ATRNL1: variants seen among roughly 807,000 people sequenced by gnomAD.
The protein encoded by ATRNL1 is attractin like 1.
ATRNL1 carries 95 observed loss-of-function variants against 182.7 expected under a neutral mutation model. The observed-to-expected ratio is 0.52, with a 90% CI of 0.44 to 0.62. The LOEUF is 0.62. Among genes scored for constraint, ATRNL1 ranks in the 20% least tolerant of loss-of-function variants. The pLI, the probability that ATRNL1 is intolerant of heterozygous loss-of-function variation, is 0.00. For synonymous variants in ATRNL1, 576 were observed against 568.3 expected (o/e 1.01, Z -0.19); for missense variants, 1,471 against 1,679.5 (o/e 0.88, Z 2.17).
At chr10:115,764,153 A>AT (rs1255614341) in intron 27 of ATRNL1, among the ~76,000 whole-genome samples, 1 of 152,138 alleles carries the variant, frequency 6.6e-6, no homozygotes, top group Non-Finnish European at 1.5e-5. Flanking sequence ...TAAAGACTTT[A>AT]TTTTTTTAGA....
chr10:115,360,892 C>T (rs1187881318), intron 19 of ATRNL1, among the ~76,000 whole-genome samples: 1 of 151,724 alleles, frequency 6.6e-6, no homozygotes, highest in Non-Finnish European at 1.5e-5. Flanking sequence ...TTTGCTATGT[C>T]TTCATGATTA....
chr10:115,288,308 G>A (rs1230259754), intron 15 of ATRNL1, among the ~76,000 whole-genome samples: 1 of 152,038 alleles, frequency 6.6e-6, no homozygotes, highest in East Asian at 1.9e-4. Flanking sequence ...CTTCTATATT[G>A]TTCTCCATAG....
rs532038071 is a variant in ATRNL1, at chr10:115,263,976, AG to A, written c.1688-1216del. On this transcript the variant is annotated intron_variant, in intron 10 of 28. Coordinates refer to ENST00000355044, the MANE Select transcript of ATRNL1 (RefSeq NM_207303.4). ...GGCAGATATACCATGTGGACTAAAA[AG>A]ACAGATTATACACTTTTTCGGGGGA... 5.7e-4 allele frequency among the ~76,000 whole-genome samples: 87 copies of A among 151,934 alleles called. No homozygotes were observed. The South Asian group carries it at 0.016, about 27-fold the overall frequency.
At chr10:115,248,881 A>T (rs1314915166) in intron 10 of ATRNL1, among the ~76,000 whole-genome samples, 1 of 152,194 alleles carries the variant, frequency 6.6e-6, no homozygotes, top group Admixed American at 6.5e-5. Flanking sequence ...AATGGCTAAT[A>T]TAGGTTTTTC....
intron 5 of ATRNL1, among the ~76,000 whole-genome samples, chr10:115,137,372 A>G (rs1298839075): frequency 2.0e-5 from 3 of 152,262 alleles, no homozygotes; most frequent in Non-Finnish European, 2.9e-5. Flanking sequence ...ATGGCCTTCC[A>G]TCTACATACC....
At chr10:115,799,002 T>G (rs1405695258) in intron 27 of ATRNL1, among the ~76,000 whole-genome samples, 1 of 151,946 alleles carries the variant, frequency 6.6e-6, no homozygotes, top group Non-Finnish European at 1.5e-5. Context: ...AATTTTTTAA[T>G]TTTTAGCAGA....
At chr10:115,162,548 G>A (rs551903695) in intron 6 of ATRNL1, among the ~76,000 whole-genome samples, 32 of 151,774 alleles carry the variant, frequency 2.1e-4, no homozygotes, top group African/African-American at 7.5e-4. Flanking sequence ...AGATCTTTTG[G>A]GAGTCATGGG....
Position 115,946,088 on chromosome 10 carries a change from C to A in ATRNL1, c.*1309C>A, listed in dbSNP as rs1555125645. 6.6e-6 allele frequency: 1 copy of A among 152,238 alleles called. No homozygotes were observed. Among genetic ancestry groups the A allele is most frequent in the Non-Finnish European group, 1.5e-5 (1 of 68,044 alleles). The allele number at this position is 152,238 out of a possible 1,614,324, so 9.4% of individuals were successfully genotyped here. On this transcript the variant is annotated 3_prime_UTR_variant, in exon 29 of 29. Coordinates refer to ENST00000355044, the MANE Select transcript of ATRNL1 (RefSeq NM_207303.4). Reference sequence around the variant, plus strand: ...ATATAGTTTGGAATTGCAGTTTCCTCACTTCAGGGTGACAAGATATGTATA... The same window carrying A: ...ATATAGTTTGGAATTGCAGTTTCCTAACTTCAGGGTGACAAGATATGTATA...
intron 28 of ATRNL1, among the ~76,000 whole-genome samples, chr10:115,905,967 CTT>C (rs1481847894): frequency 2.6e-5 from 4 of 152,172 alleles, no homozygotes; most frequent in South Asian, 2.1e-4. Context: ...TGTTAAAACT[CTT>C]TTAAAATTTA....
chr10:115,942,113 C>T (rs929631593), intron 28 of ATRNL1, among the ~76,000 whole-genome samples: 1 of 152,162 alleles, frequency 6.6e-6, no homozygotes, highest in Non-Finnish European at 1.5e-5. Context: ...TAAATTTCTC[C>T]TTCTCCACAA....
intron 9 of ATRNL1, among the ~76,000 whole-genome samples, chr10:115,232,711 G>A (rs1554900298): frequency 3.3e-5 from 5 of 152,056 alleles, no homozygotes; most frequent in Admixed American, 3.3e-4. Flanking sequence ...GTGTATGTGT[G>A]TGTGCACAAC....
intron 25 of ATRNL1, among the ~76,000 whole-genome samples, chr10:115,547,907 C>A (rs550120345): frequency 6.6e-6 from 1 of 152,102 alleles, no homozygotes; most frequent in Non-Finnish European, 1.5e-5. Context: ...TAAAAAATCA[C>A]TTGTATGGTT....
intron 26 of ATRNL1, among the ~76,000 whole-genome samples, chr10:115,664,558 A>G (rs1207895785): frequency 6.6e-6 from 1 of 152,156 alleles, no homozygotes; most frequent in Non-Finnish European, 1.5e-5. Flanking sequence ...CTTTGAAACA[A>G]TTAAATGTTT....
chr10:115,226,362 G>A (rs1349048310), intron 9 of ATRNL1, among the ~76,000 whole-genome samples: 1 of 151,966 alleles, frequency 6.6e-6, no homozygotes, highest in Non-Finnish European at 1.5e-5. Flanking sequence ...TTTCTTAAAT[G>A]GAATTTGAGT....
intron 27 of ATRNL1, among the ~76,000 whole-genome samples, chr10:115,813,336 T>C (rs1950091334): frequency 6.6e-6 from 1 of 152,160 alleles, no homozygotes; most frequent in Non-Finnish European, 1.5e-5. Context: ...TAATGTTGCA[T>C]TTTTGTTTCA....
chr10:115,424,527 A>G (rs1845793522), intron 20 of ATRNL1, among the ~76,000 whole-genome samples: 1 of 152,192 alleles, frequency 6.6e-6, no homozygotes, highest in Non-Finnish European at 1.5e-5. Flanking sequence ...ATATGGAATC[A>G]ATCTAAGTCT....
chr10:115,586,873 A>G (rs1364777398), intron 26 of ATRNL1, among the ~76,000 whole-genome samples: 1 of 110,842 alleles, frequency 9.0e-6, no homozygotes, highest in Non-Finnish European at 2.0e-5. Context: ...TTTTTTCCGC[A>G]TCTTTGTGGT....
intron 24 of ATRNL1, among the ~76,000 whole-genome samples, chr10:115,500,388 T>C (rs1294794977): frequency 6.6e-6 from 1 of 152,102 alleles, no homozygotes; most frequent in African/African-American, 2.4e-5. Context: ...ATAATAAAAA[T>C]TGAAAAACAT....
At chr10:115,436,592 A>G (rs1451335655) in intron 21 of ATRNL1, among the ~76,000 whole-genome samples, 1 of 152,168 alleles carries the variant, frequency 6.6e-6, no homozygotes, top group Non-Finnish European at 1.5e-5. Context: ...CAGCATGGAT[A>G]GTACAGTTGA....
Sources: allele counts gnomAD v4.1 joint callset (sites outside exome capture counted in the v4.1 genomes callset), GRCh38; gene constraint gnomAD v4.1.1; transcripts MANE v1.5; gene names NCBI Gene and HGNC (gene_info 2026-07-23, HGNC 2026-07-21).